The following EDNRA variants were observed in gnomAD, a reference collection of about 807,000 sequenced individuals.
The protein encoded by EDNRA is endothelin receptor type A.
A neutral mutation model predicts 41.4 loss-of-function variants in EDNRA; 11 were observed. The observed-to-expected ratio is 0.27, with a 90% CI of 0.17 to 0.44. The LOEUF is 0.44. EDNRA is among the 20% of genes least tolerant of loss of function. The pLI is 1.00. For synonymous variants in EDNRA, 172 were observed against 183.0 expected (o/e 0.94, Z 0.49); for missense variants, 294 against 531.0 (o/e 0.55, Z 4.39).
At chr4:147,500,112 G>T (rs1038803807) in intron 2 of EDNRA, among the ~76,000 whole-genome samples, 19 of 152,164 alleles carry the variant, frequency 1.2e-4, no homozygotes, top group Non-Finnish European at 2.2e-4. Flanking sequence ...GCCTCTAAAA[G>T]TCTTAAAGAT....
intron 3 of EDNRA, among the ~76,000 whole-genome samples, chr4:147,530,772 T>A (rs1730713936): frequency 6.6e-6 from 1 of 152,208 alleles, no homozygotes; most frequent in Non-Finnish European, 1.5e-5. Flanking sequence ...GGGGCTTGTC[T>A]TGGTGGATAT....
Position 147,534,587 on chromosome 4 carries a change from A to G in EDNRA, c.748-1290A>G, listed in dbSNP as rs80067952. On this transcript the variant is annotated intron_variant, in intron 4 of 7. Transcript: ENST00000651419. ...AGTAATAAAAATAGCAGACATTTTCATACGATATAACACTTGTATAATCTC... is the reference window on the plus strand; with the variant it reads ...AGTAATAAAAATAGCAGACATTTTCGTACGATATAACACTTGTATAATCTC... 1.6e-3 allele frequency among the ~76,000 whole-genome samples: 250 copies of G among 152,352 alleles called. 2 individuals are homozygous for G. Among genetic ancestry groups the G allele is most frequent in the African/African-American group, 5.7e-3 (236 of 41,592 alleles).
intron 3 of EDNRA, chr4:147,520,330 AG>A: frequency 2.0e-6 from 1 of 498,468 alleles, no homozygotes; most frequent in Non-Finnish European, 4.0e-6. Flanking sequence ...TCATAAAAAA[AG>A]ATACTGTTCA....
At chr4:147,523,499 T>TTTG (rs1730411874) in intron 3 of EDNRA, among the ~76,000 whole-genome samples, 1 of 148,208 alleles carries the variant, frequency 6.7e-6, no homozygotes, top group Admixed American at 6.7e-5. Flanking sequence ...TTTTTTTTGT[T>TTTG]TTTTTTTTTG....
chr4:147,505,828 T>G (rs899658398), intron 2 of EDNRA, among the ~76,000 whole-genome samples: 1 of 151,896 alleles, frequency 6.6e-6, no homozygotes, highest in East Asian at 1.9e-4. Flanking sequence ...TTTTGCATTC[T>G]TAGTAGAGAC....
At chr4:147,506,261 A>T in intron 2 of EDNRA, 1 of 491,220 alleles carries the variant, frequency 2.0e-6, no homozygotes, top group South Asian at 1.5e-5. Context: ...GTGCTCATAA[A>T]GAACATCCAT....
intron 3 of EDNRA, among the ~76,000 whole-genome samples, chr4:147,529,016 G>A (rs895119447): frequency 4.6e-5 from 7 of 152,184 alleles, no homozygotes; most frequent in African/African-American, 1.7e-4. Flanking sequence ...AAAGCAAGGT[G>A]GACATAGGAA....
At chr4:147,499,101 T>C (rs190814126) in intron 2 of EDNRA, among the ~76,000 whole-genome samples, 1 of 152,304 alleles carries the variant, frequency 6.6e-6, no homozygotes, top group African/African-American at 2.4e-5. Flanking sequence ...TACCACCCAG[T>C]CTGGAGTTCA....
At chr4:147,527,539 G>A (rs1730596487) in intron 3 of EDNRA, among the ~76,000 whole-genome samples, 1 of 152,182 alleles carries the variant, frequency 6.6e-6, no homozygotes, top group South Asian at 2.1e-4. Flanking sequence ...TAAAAAAATA[G>A]ATTTTGTTGA....
In EDNRA at chr4:147,521,858, T is replaced by C. The variant is rs142146046; in HGVS notation, c.548+1880T>C. The stretch of plus-strand genomic sequence containing the variant: ...AAAAGAACAATGTGTCCTACACACA[T>C]GTTCTTCCTATATGATTTTTCTTTT... On this transcript the variant is annotated intron_variant, in intron 3 of 7. Coordinates refer to ENST00000651419, the MANE Select transcript of EDNRA (RefSeq NM_001957.4). 5.4e-4 allele frequency among the ~76,000 whole-genome samples: 82 copies of C among 152,316 alleles called. 1 individual carries two copies. Among genetic ancestry groups the C allele is most frequent in the African/African-American group, 1.8e-3 (73 of 41,564 alleles).
intron 5 of EDNRA, among the ~76,000 whole-genome samples, chr4:147,539,290 T>A (rs1490126911): frequency 1.3e-5 from 2 of 152,156 alleles, no homozygotes; most frequent in East Asian, 3.8e-4. Flanking sequence ...TTTCCTTTTC[T>A]ACTCCCCACT....
chr4:147,498,520 A>T (rs374402720), intron 2 of EDNRA, among the ~76,000 whole-genome samples: 2 of 151,814 alleles, frequency 1.3e-5, no homozygotes, highest in African/African-American at 4.9e-5. Flanking sequence ...TTTTATTGGA[A>T]CACAGCCATA....
chr4:147,527,952 C>T (rs1730611251), intron 3 of EDNRA, among the ~76,000 whole-genome samples: 1 of 152,166 alleles, frequency 6.6e-6, no homozygotes, highest in Admixed American at 6.5e-5. Flanking sequence ...CCATAGATCC[C>T]TCCTTTAAAT....
At chr4:147,518,365 A>C (rs1029656244) in intron 2 of EDNRA, among the ~76,000 whole-genome samples, 3 of 152,226 alleles carry the variant, frequency 2.0e-5, no homozygotes, top group African/African-American at 7.2e-5. Flanking sequence ...TCCTTGGACA[A>C]AAGTTTATGA....
intron 7 of EDNRA, among the ~76,000 whole-genome samples, 195 bp from the exon 8 acceptor site, chr4:147,542,283 A>G (rs1374682796): frequency 6.6e-6 from 1 of 152,130 alleles, no homozygotes; most frequent in Non-Finnish European, 1.5e-5. Flanking sequence ...CAAGGGTTCT[A>G]TTTCTCTGCA....
intron 2 of EDNRA, chr4:147,490,424 G>A (rs1472970785): frequency 6.6e-6 from 1 of 152,156 alleles, no homozygotes; most frequent in Non-Finnish European, 1.5e-5. Flanking sequence ...CAGGAAGGAG[G>A]AAGGGAAAGG....
In EDNRA at chr4:147,522,299, G is replaced by A. The variant is rs571689477; in HGVS notation, c.548+2321G>A. ...CATGCCTGTAATCCCAGCACTTTGT[G>A]AGGCCAAGGTGGGCAGATCACTTGA... On this transcript the variant is annotated intron_variant, in intron 3 of 7. Transcript: ENST00000651419. Among the ~76,000 whole-genome samples the A allele has an allele frequency of 3.3e-5, 5 of 152,260 alleles. No individual in the cohort carries two copies. In the East Asian group the frequency reaches 7.7e-4, roughly 23 times the overall value.
At chr4:147,497,020 A>C (rs2126398386) in intron 2 of EDNRA, among the ~76,000 whole-genome samples, 1 of 152,252 alleles carries the variant, frequency 6.6e-6, no homozygotes, top group South Asian at 2.1e-4. Context: ...CTGCATACTA[A>C]GTATATCTAA....
chr4:147,509,776 G>T (rs142858687), intron 2 of EDNRA, among the ~76,000 whole-genome samples: 16 of 151,982 alleles, frequency 1.1e-4, no homozygotes, highest in Admixed American at 3.3e-4. Flanking sequence ...AACCCTAGAT[G>T]GGACCATCTA....
Sources: allele counts gnomAD v4.1 joint callset (sites outside exome capture counted in the v4.1 genomes callset), GRCh38; gene constraint gnomAD v4.1.1; transcripts MANE v1.5; gene names NCBI Gene and HGNC (gene_info 2026-07-23, HGNC 2026-07-21).